Variants in FNTA observed in about 807,000 individuals in gnomAD.
FNTA encodes protein farnesyltransferase/geranylgeranyltransferase type-1 subunit alpha.
Under a neutral mutation model 55.2 loss-of-function variants are expected in FNTA, and 27 were observed. The observed-to-expected ratio is 0.49, with a 90% CI of 0.36 to 0.67. FNTA has a LOEUF of 0.67. FNTA is among the 30% of genes least tolerant of loss of function. The pLI, the probability that FNTA is intolerant of heterozygous loss-of-function variation, is 0.00. For synonymous variants in FNTA, 176 were observed against 170.7 expected, an observed-to-expected ratio of 1.03 and a Z score of -0.24; for missense variants, 422 against 464.7, an observed-to-expected ratio of 0.91 and a Z score of 0.85.
At chr8:43,065,312 A>G (rs1810630395) in intron 3 of FNTA, among the ~76,000 whole-genome samples, 1 of 151,058 alleles carries the variant, frequency 6.6e-6, no homozygotes, top group Non-Finnish European at 1.5e-5. Context: ...CAGTGGTGCA[A>G]TCTTGGCTTA....
At chr8:43,076,606 G>T (rs772547967) in intron 5 of FNTA, 1 of 152,102 alleles carries the variant, frequency 6.6e-6, no homozygotes, top group Admixed American at 6.5e-5. Context: ...GGCCAGGTAC[G>T]GTGGCTTACG....
intron 8 of FNTA, 102 bp from the exon 9 acceptor site, chr8:43,085,058 G>A: frequency 2.6e-6 from 3 of 1,170,514 alleles, no homozygotes; most frequent in Non-Finnish European, 3.6e-6. Context: ...TTAATAGTGT[G>A]TCTTCATTTG....
intron 3 of FNTA, among the ~76,000 whole-genome samples, chr8:43,069,183 T>C (rs1018869773): frequency 3.3e-5 from 5 of 151,990 alleles, no homozygotes; most frequent in Non-Finnish European, 7.4e-5. Flanking sequence ...TGGTGTGATC[T>C]TGGCTCATTG....
intron 3 of FNTA, among the ~76,000 whole-genome samples, chr8:43,066,319 C>G (rs553774082): frequency 2.7e-5 from 4 of 149,860 alleles, no homozygotes; most frequent in African/African-American, 1.0e-4. Flanking sequence ...TGCAGTGGCT[C>G]GATCTCTGCT....
At chr8:43,074,024 C>T (rs57635807) in intron 5 of FNTA, among the ~76,000 whole-genome samples, 5,104 of 152,078 alleles carry the variant, frequency 0.034, 118 homozygotes, top group Middle Eastern at 0.058. Flanking sequence ...ATATTAAAAA[C>T]GTGGTAAAAT....
At chr8:43,080,804 G>C (rs1037353181) in intron 6 of FNTA, 1 of 152,162 alleles carries the variant, frequency 6.6e-6, no homozygotes, top group South Asian at 2.1e-4. Flanking sequence ...AACATTATTC[G>C]TCTAAAGATT....
intron 5 of FNTA, chr8:43,077,004 C>T (rs975652601): frequency 1.9e-5 from 7 of 375,688 alleles, no homozygotes; most frequent in African/African-American, 6.3e-5. Flanking sequence ...GTCTTTTTTC[C>T]TGCTTTCTGT....
At chr8:43,066,799 T>TGGG (rs1378089882) in intron 3 of FNTA, among the ~76,000 whole-genome samples, 1 of 152,054 alleles carries the variant, frequency 6.6e-6, no homozygotes, top group African/African-American at 2.4e-5. Context: ...AGTTACTGAG[T>TGGG]GGGGATGTGG....
intron 5 of FNTA, among the ~76,000 whole-genome samples, chr8:43,072,848 T>C (rs1810824015): frequency 6.6e-6 from 1 of 152,236 alleles, no homozygotes; most frequent in South Asian, 2.1e-4. Flanking sequence ...ATTTGTATCA[T>C]ATTTGCTAGC....
At chr8:43,062,104 A>C (rs941766220) in intron 2 of FNTA, among the ~76,000 whole-genome samples, 1 of 151,926 alleles carries the variant, frequency 6.6e-6, no homozygotes, top group African/African-American at 2.4e-5. Flanking sequence ...TAGGAACCTG[A>C]GGCTTTGGAG....
chr8:43,071,515 C>T (rs1366780781), intron 4 of FNTA, among the ~76,000 whole-genome samples: 1 of 151,392 alleles, frequency 6.6e-6, no homozygotes, highest in Non-Finnish European at 1.5e-5. Context: ...TACTTAAAAT[C>T]CAAAAAATTA....
chr8:43,066,812 G>A (rs191134008), intron 3 of FNTA, among the ~76,000 whole-genome samples: 16 of 152,300 alleles, frequency 1.1e-4, no homozygotes, highest in Admixed American at 2.0e-4. Flanking sequence ...GGATGTGGCT[G>A]TGTTGTAGTG....
At chr8:43,064,796 G>A (rs1324873664) in intron 3 of FNTA, among the ~76,000 whole-genome samples, 1 of 151,006 alleles carries the variant, frequency 6.6e-6, no homozygotes, top group South Asian at 2.1e-4. Flanking sequence ...TTGCTTAACT[G>A]TTATTATTTT....
rs1811079750 is a variant in FNTA at position 43,084,178 on chromosome 8, T to A, written c.846-532T>A. 2.0e-5 allele frequency among the ~76,000 whole-genome samples: 3 copies of A among 152,046 alleles called. No homozygotes were observed. The South Asian group carries it at 6.2e-4, about 31-fold the overall frequency. ...AGTTATAAATGAACACTTTTAAACT[T>A]CATTTTTAAAAACTTTTTCTACTTA... is the stretch of plus-strand genomic sequence containing the variant. On this transcript the variant is annotated intron_variant, in intron 7 of 8. Transcript: ENST00000302279.
In FNTA at chr8:43,067,697, T is replaced by C. The variant is rs116051113; in HGVS notation, c.402-1858T>C. Among the ~76,000 whole-genome samples, 649 of 151,994 alleles carry C rather than the reference T, an allele frequency of 4.3e-3. 7 individuals carry two copies. Among genetic ancestry groups the C allele is most frequent in the African/African-American group, 0.015 (620 of 41,486 alleles). ...TGGAGAGAAATACTGTTGTCTCTCC[T>C]ATTTAGCATTTTATTTTATTTTATT... On this transcript the variant is annotated intron_variant, in intron 3 of 8. Transcript: ENST00000302279.
In FNTA at chr8:43,064,233, T is replaced by C. The variant is rs996539546; in HGVS notation, c.401+18T>C. The C allele has an allele frequency of 7.8e-6, 11 of 1,404,694 alleles. No individual in the cohort carries two copies. Among genetic ancestry groups the C allele is most frequent in the Admixed American group, 1.7e-5 (1 of 58,810 alleles). 87.0% of individuals were successfully genotyped at this position (1,404,694 alleles called of 1,614,324 possible). ...ACAGTGTGGTAAGTAATACACATCA[T>C]CAGTATTCCCTGCTTAAATGTTTTA... On this transcript the variant is annotated intron_variant, in intron 3 of 8. Coordinates refer to ENST00000302279, the MANE Select transcript of FNTA (RefSeq NM_002027.3).
intron 3 of FNTA, among the ~76,000 whole-genome samples, chr8:43,066,660 A>T (rs1434909663): frequency 1.3e-5 from 2 of 150,698 alleles, no homozygotes; most frequent in Non-Finnish European, 2.9e-5. Context: ...GTTCTCTTTC[A>T]TATAAATATT....
chr8:43,082,594 C>A (rs1028998702), intron 6 of FNTA: 1 of 152,040 alleles, frequency 6.6e-6, no homozygotes, highest in Non-Finnish European at 1.5e-5. Context: ...TGAATTGAAG[C>A]TTTTAGATTA....
At chr8:43,072,620 G>C (rs1023413804) in intron 5 of FNTA, among the ~76,000 whole-genome samples, 4 of 152,000 alleles carry the variant, frequency 2.6e-5, no homozygotes, top group Non-Finnish European at 5.9e-5. Context: ...CCAGCTGCTT[G>C]GGAGGCTGAG....
Sources: gnomAD v4.1 joint callset for allele counts (sites outside exome capture counted in the v4.1 genomes callset) on GRCh38, gnomAD v4.1.1 for gene constraint, MANE v1.5 for transcripts, NCBI Gene and HGNC (gene_info 2026-07-23, HGNC 2026-07-21) for gene names.